Variants in NUP210L observed in about 807,000 individuals in gnomAD.
The protein encoded by NUP210L is nucleoporin 210 like.
In NUP210L, 74 loss-of-function variants were observed where a neutral mutation model predicts 208.5. That is an observed-to-expected ratio of 0.35 (90% CI 0.29 to 0.43). The LOEUF is 0.43. Ranked by LOEUF, NUP210L falls within the 20% of genes least tolerant of loss-of-function variation. NUP210L has a pLI of 1.00. For missense variants in NUP210L, 1,843 were observed against 2,289.4 expected, an observed-to-expected ratio of 0.81 and a Z score of 3.98; for synonymous variants, 780 against 816.9, an observed-to-expected ratio of 0.95 and a Z score of 0.77.
At position 153,993,090 on chromosome 1, in the gene NUP210L, C is replaced by G; in HGVS notation, c.5492-1G>C. On this transcript the variant is annotated splice_acceptor_variant, in intron 38 of 39. Coordinates refer to ENST00000368559, the Ensembl canonical transcript of NUP210L. LOFTEE classifies it high-confidence loss of function. Reference sequence around the variant, plus strand: ...ATCTTGTTTAGGAAGGCATTGTATGCTGGAAAAAGGACAGGAAATGTCACA... The same window carrying G: ...ATCTTGTTTAGGAAGGCATTGTATGGTGGAAAAAGGACAGGAAATGTCACA... The G allele has an allele frequency of 6.2e-7, 1 of 1,609,214 alleles. No homozygotes were observed. Among genetic ancestry groups the G allele is most frequent in the Non-Finnish European group, 8.5e-7 (1 of 1,177,838 alleles).
intron 27 of NUP210L, among the ~76,000 whole-genome samples, chr1:154,040,777 G>A (rs564452878): frequency 2.2e-4 from 33 of 152,134 alleles, no homozygotes; most frequent in African/African-American, 7.5e-4. Flanking sequence ...GTTTTTACTA[G>A]AGGTGGGGTT....
chr1:154,091,773 T>G (rs1393175746), intron 15 of NUP210L, among the ~76,000 whole-genome samples: 2 of 151,832 alleles, frequency 1.3e-5, no homozygotes, highest in Admixed American at 1.3e-4. Flanking sequence ...AGTGCTGGAA[T>G]TATAGGCGTG....
exon 38 of NUP210L, chr1:153,995,079 G>A (rs750951920): frequency 6.2e-7 from 1 of 1,602,648 alleles, no homozygotes; most frequent in Non-Finnish European, 8.5e-7. Context: ...ACTCTACCTA[G>A]GAAGATGGAA....
intron 2 of NUP210L, 152 bp from the exon 3 acceptor site, chr1:154,143,729 T>C: frequency 3.5e-6 from 2 of 573,998 alleles, no homozygotes; most frequent in African/African-American, 1.9e-5. Flanking sequence ...AATAATAAGA[T>C]ATAAGAGCCT....
chr1:154,000,309 T>A (rs1571149711), intron 37 of NUP210L, among the ~76,000 whole-genome samples: 1 of 152,334 alleles, frequency 6.6e-6, no homozygotes, highest in East Asian at 1.9e-4. Flanking sequence ...TGTCCCCCCA[T>A]ATCTGTGGGG....
At chr1:154,039,868 T>C (rs1320159001) in intron 27 of NUP210L, 1 of 152,174 alleles carries the variant, frequency 6.6e-6, no homozygotes, top group Non-Finnish European at 1.5e-5. Flanking sequence ...AGTTCTCTGT[T>C]ATTATCCCTT....
chr1:154,002,935 C>T (rs1424027062), intron 35 of NUP210L, among the ~76,000 whole-genome samples: 3 of 151,804 alleles, frequency 2.0e-5, no homozygotes, highest in Admixed American at 1.3e-4. Context: ...TGTATCAGAC[C>T]ACCTCTTGGT....
At chr1:154,105,919 T>G (rs537172465) in intron 12 of NUP210L, among the ~76,000 whole-genome samples, 2 of 152,176 alleles carry the variant, frequency 1.3e-5, no homozygotes, top group African/African-American at 4.8e-5. Flanking sequence ...TCTGGGGCAG[T>G]TGTGGCCACA....
chr1:154,027,104 AAAAAAAC>A (rs1557924548), intron 29 of NUP210L, among the ~76,000 whole-genome samples: 19 of 147,454 alleles, frequency 1.3e-4, no homozygotes, highest in African/African-American at 4.3e-4. Context: ...AAACAAAAAA[AAAAAAAC>A]AAAAAACACA....
chr1:154,001,512 T>G (rs1650210221), intron 36 of NUP210L, among the ~76,000 whole-genome samples: 1 of 152,128 alleles, frequency 6.6e-6, no homozygotes, highest in African/African-American at 2.4e-5. Flanking sequence ...TTACTTTTTT[T>G]ACTCCTTTAG....
intron 35 of NUP210L, among the ~76,000 whole-genome samples, chr1:154,006,946 G>GTGTGTATATA (rs767785200): frequency 2.5e-4 from 24 of 95,422 alleles, no homozygotes; most frequent in South Asian, 3.9e-4. Context: ...GTGTGTGTGT[G>GTGTGTATATA]TATATATATA....
Position 154,035,376 on chromosome 1 carries a change from T to G in NUP210L, c.3697-5322A>C, listed in dbSNP as rs575431176. ...TTTCTCGTTCTTTAAGATGCTTCAT[T>G]AGGCTTTTTATTTTAATTTTTTCTA... is the stretch of plus-strand genomic sequence containing the variant. On this transcript the variant is annotated intron_variant, in intron 27 of 39. Coordinates refer to ENST00000368559, the Ensembl canonical transcript of NUP210L. Among the ~76,000 whole-genome samples the G allele has an allele frequency of 4.6e-5, 7 of 152,012 alleles. No homozygotes were observed. The East Asian group carries it at 1.4e-3, about 29-fold the overall frequency.
rs1651609930 is a variant in NUP210L at position 154,022,278 on chromosome 1, C to T, written c.4364G>A (p.Arg1455Lys). ...CCAAAGCCCCACAAGTGTCAGCCCTCTGTTCACAGCCTGGGCCATGTAAGT... is the reference window on the plus strand; with the variant it reads ...CCAAAGCCCCACAAGTGTCAGCCCTTTGTTCACAGCCTGGGCCATGTAAGT... Residue 1455 changes from arginine to lysine, a missense_variant, in exon 32 of 40, where the codon AGA becomes AAA. This residue lies in a region of NUP210L where 781 missense variants were observed against 973.8 expected (regional missense o/e 0.80). Coordinates refer to ENST00000368559, the Ensembl canonical transcript of NUP210L. The T allele has an allele frequency of 1.9e-6, 3 of 1,614,176 alleles. No homozygotes were observed. The East Asian group carries it at 6.7e-5, about 36-fold the overall frequency.
intron 37 of NUP210L, among the ~76,000 whole-genome samples, chr1:153,998,589 A>G (rs533134385): frequency 1.3e-5 from 2 of 150,338 alleles, no homozygotes; most frequent in African/African-American, 4.9e-5. Context: ...AAAAGATGCA[A>G]TTTTTCTCCA....
chr1:154,079,944 A>C (rs1655234161), intron 16 of NUP210L: 1 of 152,292 alleles, frequency 6.6e-6, no homozygotes, highest in African/African-American at 2.4e-5. Flanking sequence ...CTAATTTTAA[A>C]TTCCTAGAGT....
intron 16 of NUP210L, among the ~76,000 whole-genome samples, chr1:154,073,862 TC>T (rs1654903619): frequency 7.4e-6 from 1 of 134,364 alleles, no homozygotes; most frequent in Non-Finnish European, 1.7e-5. Flanking sequence ...ATAAATAAAT[TC>T]AATGGTATAC....
exon 25 of NUP210L, chr1:154,054,401 A>G: frequency 3.1e-6 from 5 of 1,614,102 alleles, no homozygotes; most frequent in Non-Finnish European, 4.2e-6. Flanking sequence ...CCACCTTCAG[A>G]CATTACCTGG....
At chr1:154,002,776 T>C (rs898007691) in intron 35 of NUP210L, among the ~76,000 whole-genome samples, 17 of 151,778 alleles carry the variant, frequency 1.1e-4, no homozygotes, top group Non-Finnish European at 1.5e-5. Context: ...AAGAATACCA[T>C]TCTTATTCAA....
At chr1:154,020,776 C>T (rs1284203415) in intron 32 of NUP210L, among the ~76,000 whole-genome samples, 1 of 151,882 alleles carries the variant, frequency 6.6e-6, no homozygotes, top group Admixed American at 6.6e-5. Context: ...CCGCCTGCTT[C>T]AGCCTCCCAA....
Sources: gnomAD v4.1 joint callset for allele counts (sites outside exome capture counted in the v4.1 genomes callset) on GRCh38, gnomAD v4.1.1 for gene constraint, gnomAD v4.1.1 regional missense constraint, MANE v1.5 for transcripts, NCBI Gene and HGNC (gene_info 2026-07-23, HGNC 2026-07-21) for gene names.